The following COL15A1 variants were observed in gnomAD, a reference collection of about 807,000 sequenced individuals.
The protein encoded by COL15A1 is collagen type XV alpha 1 chain.
A neutral mutation model predicts 165.9 loss-of-function variants in COL15A1; 111 were observed. The observed-to-expected ratio is 0.67, with a 90% CI of 0.57 to 0.78. The LOEUF (loss-of-function observed/expected upper bound fraction) is 0.78. Among genes scored for constraint, COL15A1 ranks in the 30% least tolerant of loss-of-function variants. The pLI, the probability that COL15A1 is intolerant of heterozygous loss-of-function variation, is 0.00. For synonymous variants in COL15A1, 659 were observed against 674.8 expected (o/e 0.98, Z 0.36); for missense variants, 1,745 against 1,789.7 (o/e 0.98, Z 0.45).
intron 2 of COL15A1, among the ~76,000 whole-genome samples, chr9:98,973,819 AG>A: frequency 6.6e-6 from 1 of 152,346 alleles, no homozygotes; most frequent in Non-Finnish European, 1.5e-5. Context: ...ACCGGCAGTT[AG>A]GGGCGGTTAG....
At chr9:99,052,301 C>A in intron 30 of COL15A1, 87 bp from the exon 31 acceptor site, 3 of 990,380 alleles carry the variant, frequency 3.0e-6, no homozygotes, top group South Asian at 1.3e-5. Flanking sequence ...CCTCTTTTGT[C>A]ACATGCCCCC....
chr9:99,034,565 A>G lies in COL15A1; in HGVS notation c.2060A>G (p.Asn687Ser), dbSNP rs1284828067. 2 of 1,495,836 alleles carry G rather than the reference A, an allele frequency of 1.3e-6. No individual in the cohort carries two copies. Among genetic ancestry groups the G allele is most frequent in the Admixed American group, 2.0e-5 (1 of 48,872 alleles). 92.7% of individuals were successfully genotyped at this position (1,495,836 alleles called of 1,614,324 possible). ...TTTTTTCAGGGAGCAAGAGGGCCTA[A>G]TGGCTCAGTTGGTGAAAAGGTAAAA... ...MKGEKGARGP[N>S]GSVGEKGDPG... is the part of the protein sequence containing the mutation. The change falls in exon 17 of 42, where the codon AAT becomes AGT. Residue 687 changes from asparagine (N) to serine (S), a missense_variant. Physicochemically the swap from Asn to Ser is conservative, Grantham distance 46 (BLOSUM62 1). Transcript: ENST00000375001.
intron 2 of COL15A1, among the ~76,000 whole-genome samples, chr9:98,967,804 C>T (rs1452045665): frequency 6.6e-6 from 1 of 152,204 alleles, no homozygotes; most frequent in African/African-American, 2.4e-5. Context: ...GACTGGCCTC[C>T]ATTCAGGTAG....
chr9:99,038,395 G>A (rs1839341760), intron 21 of COL15A1, among the ~76,000 whole-genome samples: 2 of 152,194 alleles, frequency 1.3e-5, no homozygotes, highest in Admixed American at 6.5e-5. Flanking sequence ...TTCTGTGGGT[G>A]CATATAATAT....
intron 30 of COL15A1, among the ~76,000 whole-genome samples, 178 bp from the exon 31 acceptor site, chr9:99,052,210 T>G (rs1266462839): frequency 6.6e-6 from 1 of 152,228 alleles, no homozygotes; most frequent in Non-Finnish European, 1.5e-5. Context: ...AAGCCTGGGA[T>G]GTCTGTGCAT....
intron 38 of COL15A1, among the ~76,000 whole-genome samples, chr9:99,062,662 A>C (rs1247941479): frequency 5.9e-5 from 9 of 152,236 alleles, no homozygotes; most frequent in Admixed American, 5.9e-4. Context: ...GAACATGGGC[A>C]ACTGGCATTG....
chr9:98,945,183 A>C (rs935540199), intron 2 of COL15A1, among the ~76,000 whole-genome samples: 37 of 152,192 alleles, frequency 2.4e-4, no homozygotes, highest in African/African-American at 7.5e-4. Context: ...AAAGCAATGC[A>C]AGTATTTTTA....
At chr9:98,956,037 G>A (rs1274051371) in intron 2 of COL15A1, among the ~76,000 whole-genome samples, 5 of 152,234 alleles carry the variant, frequency 3.3e-5, no homozygotes, top group Admixed American at 3.3e-4. Context: ...GGGGTATGGT[G>A]GCTCATGCCT....
chr9:99,006,735 G>A (rs991510388), intron 9 of COL15A1, among the ~76,000 whole-genome samples: 2 of 152,182 alleles, frequency 1.3e-5, no homozygotes, highest in Non-Finnish European at 2.9e-5. Flanking sequence ...ACGACAGAGT[G>A]GGAAAGCCAG....
chr9:98,988,642 G>A lies in COL15A1; in HGVS notation c.724-536G>A, dbSNP rs552012038. On this transcript the variant is annotated intron_variant, in intron 4 of 41. Transcript: ENST00000375001. ...GGAAAGAAATAAAATGAACAACCAG[G>A]CTGGGCGCAGTAGCTCACGCCTGTA... Among the ~76,000 whole-genome samples the A allele has an allele frequency of 2.0e-5, 3 of 152,294 alleles. No homozygotes were observed. In the East Asian group the frequency reaches 5.8e-4, roughly 29 times the overall value.
At chr9:99,066,599 GTTTT>G (rs67961829) in intron 39 of COL15A1, among the ~76,000 whole-genome samples, 1,486 of 70,980 alleles carry the variant, frequency 0.021, 26 homozygotes, top group African/African-American at 0.071. Context: ...ATTTTGTTCT[GTTTT>G]TTTTTTTTTT....
chr9:98,982,115 T>A (rs1000397756), intron 2 of COL15A1, among the ~76,000 whole-genome samples: 2 of 151,976 alleles, frequency 1.3e-5, no homozygotes, highest in East Asian at 1.9e-4. Context: ...TTTAAAATTT[T>A]AAAAAATGAT....
intron 2 of COL15A1, among the ~76,000 whole-genome samples, chr9:98,973,706 G>C (rs1275713731): frequency 1.3e-5 from 2 of 152,254 alleles, no homozygotes; most frequent in Non-Finnish European, 2.9e-5. Flanking sequence ...CCTCTGGCCA[G>C]GCCTTGCTGG....
At chr9:99,034,303 T>C (rs1014488667) in intron 16 of COL15A1, among the ~76,000 whole-genome samples, 1 of 152,224 alleles carries the variant, frequency 6.6e-6, no homozygotes, top group Non-Finnish European at 1.5e-5. Flanking sequence ...TTAACTTCTC[T>C]GGTTTACTCT....
At chr9:98,962,896 T>G (rs1455384238) in intron 2 of COL15A1, among the ~76,000 whole-genome samples, 1 of 152,230 alleles carries the variant, frequency 6.6e-6, no homozygotes, top group Non-Finnish European at 1.5e-5. Context: ...CTGCTGGATC[T>G]CCGGCACTTA....
At chr9:98,950,966 C>A (rs1258255898) in intron 2 of COL15A1, among the ~76,000 whole-genome samples, 5 of 152,154 alleles carry the variant, frequency 3.3e-5, no homozygotes, top group African/African-American at 1.2e-4. Context: ...TGGCCACCAT[C>A]TTCTCTGGAG....
intron 17 of COL15A1, 83 bp downstream of exon 17, chr9:99,034,667 TG>T: frequency 7.1e-7 from 1 of 1,416,616 alleles, no homozygotes. Flanking sequence ...ATTGGACTGC[TG>T]GGCTGGAATA....
intron 24 of COL15A1, among the ~76,000 whole-genome samples, chr9:99,043,085 C>A (rs1839438513): frequency 6.6e-6 from 1 of 152,106 alleles, no homozygotes; most frequent in Non-Finnish European, 1.5e-5. Flanking sequence ...ACCCCCTGAG[C>A]CTGCCATGGG....
intron 2 of COL15A1, among the ~76,000 whole-genome samples, chr9:98,968,474 T>C (rs751990854): frequency 1.3e-5 from 2 of 152,170 alleles, no homozygotes; most frequent in African/African-American, 2.4e-5. Flanking sequence ...TTGGCTTGTG[T>C]CCACTTCATT....
Sources: gnomAD v4.1 joint callset for allele counts (sites outside exome capture counted in the v4.1 genomes callset) on GRCh38, gnomAD v4.1.1 for gene constraint, MANE v1.5 for transcripts, NCBI Gene and HGNC (gene_info 2026-07-23, HGNC 2026-07-21) for gene names.